The following PPFIBP1 variants were observed in gnomAD, a reference collection of about 807,000 sequenced individuals.
PPFIBP1 encodes PPFIB scaffold protein 1.
A neutral mutation model predicts 137.8 loss-of-function variants in PPFIBP1; 112 were observed. The observed-to-expected ratio is 0.81, with a 90% confidence interval of 0.70 to 0.95. The LOEUF is 0.95. PPFIBP1 is among the 40% of genes least tolerant of loss of function. The pLI is 0.00. For synonymous variants in PPFIBP1, 378 were observed against 417.3 expected (o/e 0.91, Z 1.15); for missense variants, 1,083 against 1,196.6 (o/e 0.91, Z 1.40).
chr12:27,568,933 T>C (rs1453519158), intron 1 of PPFIBP1, among the ~76,000 whole-genome samples: 1 of 152,224 alleles, frequency 6.6e-6, no homozygotes, highest in Non-Finnish European at 1.5e-5. Flanking sequence ...CTTTATTTTA[T>C]GTCTTCTGAA....
chr12:27,572,688 A>G (rs1005993698), intron 1 of PPFIBP1, among the ~76,000 whole-genome samples: 3 of 152,196 alleles, frequency 2.0e-5, no homozygotes, highest in African/African-American at 4.8e-5. Context: ...ACTTTGGGAC[A>G]TGGGATTATC....
chr12:27,626,449 G>GT (rs1210874060), intron 2 of PPFIBP1, among the ~76,000 whole-genome samples: 1 of 152,164 alleles, frequency 6.6e-6, no homozygotes, highest in Non-Finnish European at 1.5e-5. Context: ...CTCAGTGTGT[G>GT]TGAGTCTAGT....
At chr12:27,527,607 A>G (rs1943918705) in intron 1 of PPFIBP1, among the ~76,000 whole-genome samples, 1 of 152,156 alleles carries the variant, frequency 6.6e-6, no homozygotes, top group Non-Finnish European at 1.5e-5. Flanking sequence ...CAAAACGATG[A>G]AGGAGTGAAT....
intron 5 of PPFIBP1, 110 bp from the exon 6 acceptor site, chr12:27,647,619 A>G: frequency 1.5e-6 from 1 of 653,122 alleles, no homozygotes; most frequent in Non-Finnish European, 2.5e-6. Context: ...TTTCTTTATA[A>G]CCGTATGAAT....
At chr12:27,612,926 ACAT>A (rs71039826) in intron 2 of PPFIBP1, among the ~76,000 whole-genome samples, 12,528 of 148,890 alleles carry the variant, frequency 0.084, 771 homozygotes, top group African/African-American at 0.17. Flanking sequence ...TAGATAATAC[ACAT>A]CATCATCATC....
intron 7 of PPFIBP1, among the ~76,000 whole-genome samples, chr12:27,652,901 G>C (rs2058963930): frequency 6.6e-6 from 1 of 152,138 alleles, no homozygotes; most frequent in African/African-American, 2.4e-5. Flanking sequence ...ATTCTGACCT[G>C]TTAGTTGAGG....
chr12:27,604,937 G>T (rs2054369111), intron 2 of PPFIBP1, among the ~76,000 whole-genome samples: 1 of 152,128 alleles, frequency 6.6e-6, no homozygotes. Context: ...CTTGTGCAGG[G>T]AAACTCCCAT....
chr12:27,635,048 A>G lies in PPFIBP1; in HGVS notation c.203A>G (p.Glu68Gly), dbSNP rs1307856804. 2 of 1,614,220 alleles carry G rather than the reference A, an allele frequency of 1.2e-6. No individual in the cohort carries two copies. The highest frequency in any genetic ancestry group is 1.1e-5 in the South Asian group (1 of 91,090). The change falls in exon 4 of 30, where the codon GAA becomes GGA. Residue 68 changes from glutamate to glycine, a missense_variant. Physicochemically the swap from Glu to Gly is moderately conservative, Grantham distance 98. Transcript: ENST00000228425. The part of the protein sequence containing the change: ...LLEMMETDEK[E>G]GLRCQIPDST... ...GAGATGATGGAAACAGATGAGAAAGAAGGCTTGAGATGCCAGATCCCAGAT... is the reference window on the plus strand; with the variant it reads ...GAGATGATGGAAACAGATGAGAAAGGAGGCTTGAGATGCCAGATCCCAGAT...
At chr12:27,571,239 T>A (rs1408889009) in intron 1 of PPFIBP1, among the ~76,000 whole-genome samples, 1 of 152,242 alleles carries the variant, frequency 6.6e-6, no homozygotes, top group African/African-American at 2.4e-5. Context: ...TTCCATTTTT[T>A]AATTATAAAT....
At chr12:27,598,538 C>CTGTGTGTGTG (rs71039825) in intron 2 of PPFIBP1, among the ~76,000 whole-genome samples, 5 of 150,724 alleles carry the variant, frequency 3.3e-5, no homozygotes, top group Admixed American at 2.0e-4. Context: ...TCTCTATAAT[C>CTGTGTGTGTG]TGTGTGTGTG....
At chr12:27,557,493 C>T (rs532516562) in intron 1 of PPFIBP1, among the ~76,000 whole-genome samples, 70 of 152,210 alleles carry the variant, frequency 4.6e-4, no homozygotes, top group African/African-American at 1.4e-3. Flanking sequence ...CCTTGGCACA[C>T]GCCTGCTGGG....
chr12:27,671,067 G>A (rs2060165400), intron 13 of PPFIBP1, among the ~76,000 whole-genome samples: 1 of 151,838 alleles, frequency 6.6e-6, no homozygotes, highest in Non-Finnish European at 1.5e-5. Context: ...TACTCAGGAG[G>A]CTACGGCAGG....
At chr12:27,623,004 C>T (rs1356386312) in intron 2 of PPFIBP1, among the ~76,000 whole-genome samples, 1 of 152,182 alleles carries the variant, frequency 6.6e-6, no homozygotes. Context: ...TTCTTCTTCA[C>T]AACTTTGAGT....
chr12:27,684,864 C>G (rs1288734468), intron 24 of PPFIBP1, among the ~76,000 whole-genome samples: 1 of 152,084 alleles, frequency 6.6e-6, no homozygotes, highest in Non-Finnish European at 1.5e-5. Context: ...TCAGCTTCCT[C>G]TAACGTTAAC....
intron 9 of PPFIBP1, among the ~76,000 whole-genome samples, chr12:27,658,285 T>C (rs1184881099): frequency 6.6e-6 from 1 of 152,110 alleles, no homozygotes; most frequent in East Asian, 1.9e-4. Flanking sequence ...ACTACGGGGA[T>C]TGAGAACAAG....
chr12:27,676,008 G>A (rs1226827287), intron 17 of PPFIBP1, among the ~76,000 whole-genome samples: 1 of 152,112 alleles, frequency 6.6e-6, no homozygotes, highest in African/African-American at 2.4e-5. Flanking sequence ...TATTGACAAA[G>A]TTATAATATA....
At chr12:27,647,581 T>G (rs1434574689) in intron 5 of PPFIBP1, 148 bp from the exon 6 acceptor site, 1 of 532,444 alleles carries the variant, frequency 1.9e-6, no homozygotes, top group African/African-American at 1.9e-5. Flanking sequence ...GAGGGACCAC[T>G]GTCTTCTTGG....
chr12:27,607,281 A>G (rs1042876230), intron 2 of PPFIBP1, among the ~76,000 whole-genome samples: 6 of 152,220 alleles, frequency 3.9e-5, no homozygotes, highest in African/African-American at 1.2e-4. Flanking sequence ...GCCACCAACA[A>G]TTGATTCAGG....
chr12:27,643,918 A>G (rs1302347867), intron 4 of PPFIBP1, among the ~76,000 whole-genome samples: 3 of 141,586 alleles, frequency 2.1e-5, no homozygotes, highest in Admixed American at 7.1e-5. Flanking sequence ...AAAAATAAAT[A>G]TGCTAATTTT....
Sources: allele counts gnomAD v4.1 joint callset (sites outside exome capture counted in the v4.1 genomes callset), GRCh38; gene constraint gnomAD v4.1.1; transcripts MANE v1.5; gene names NCBI Gene and HGNC (gene_info 2026-07-23, HGNC 2026-07-21).